MCC: variants seen among roughly 807,000 people sequenced by gnomAD.
MCC encodes colorectal mutant cancer protein.
A neutral mutation model predicts 116.2 loss-of-function variants in MCC; 90 were observed. The observed-to-expected ratio is 0.77, with a 90% CI of 0.65 to 0.92. MCC has a LOEUF of 0.92. Among genes scored for constraint, MCC ranks in the 40% least tolerant of loss-of-function variants. The pLI is 0.00. For synonymous variants in MCC, 578 were observed against 510.5 expected, an observed-to-expected ratio of 1.13 and a Z score of -1.78; for missense variants, 1,516 against 1,312.2, an observed-to-expected ratio of 1.16 and a Z score of -2.40.
chr5:113,039,868 G>A (rs1458518068), intron 17 of MCC, among the ~76,000 whole-genome samples: 2 of 152,230 alleles, frequency 1.3e-5, no homozygotes, highest in East Asian at 3.9e-4. Context: ...CAAAAAAGGA[G>A]TCATTTCTGA....
rs896893936 is a variant in MCC at position 113,439,592 on chromosome 5, C to T, written c.170+48653G>A. 2.6e-5 allele frequency among the ~76,000 whole-genome samples: 4 copies of T among 152,104 alleles called. No homozygotes were observed. The East Asian group carries it at 5.8e-4, about 22-fold the overall frequency. On this transcript the variant is annotated intron_variant, in intron 1 of 18. Coordinates refer to ENST00000408903, the MANE Select transcript of MCC (RefSeq NM_001085377.2). ...TAGGAAGCAAAATCCAATGGCCAGT[C>T]GTAAGTTTTCTGCTAGAGACTCATG...
rs112744876 is a variant in MCC at position 113,416,121 on chromosome 5, A to G, written c.171-30909T>C. ...CAGAGGCTCAGTTGGAAATGCAGAA[A>G]TCACCCGTCTTCTGCATTGATCACG... On this transcript the variant is annotated intron_variant, in intron 1 of 18. Transcript: ENST00000408903. 8.6e-3 allele frequency among the ~76,000 whole-genome samples: 1,307 copies of G among 152,260 alleles called. 10 individuals carry two copies. The highest frequency in any genetic ancestry group is 0.014 in the Non-Finnish European group (946 of 68,014).
At chr5:113,265,541 T>G (rs1220906905) in intron 3 of MCC, among the ~76,000 whole-genome samples, 1 of 152,168 alleles carries the variant, frequency 6.6e-6, no homozygotes, top group African/African-American at 2.4e-5. Flanking sequence ...TTTTTACCAC[T>G]ATATTAGGGT....
chr5:113,333,810 T>TACATATATGTATATATGTACATATGTAC (rs778710246), intron 3 of MCC, among the ~76,000 whole-genome samples: 11 of 69,774 alleles, frequency 1.6e-4, no homozygotes, highest in African/African-American at 4.8e-4. Context: ...TGTATATATG[T>TACATATATGTATATATGTACATATGTAC]ATATATGTAC....
At chr5:113,405,619 G>GC (rs1420336246) in intron 1 of MCC, among the ~76,000 whole-genome samples, 5 of 151,348 alleles carry the variant, frequency 3.3e-5, no homozygotes, top group Non-Finnish European at 7.4e-5. Context: ...GGAGACATCC[G>GC]CCCCCCAACC....
intron 8 of MCC, among the ~76,000 whole-genome samples, chr5:113,100,464 C>CCTT (rs747086067): frequency 3.8e-4 from 30 of 78,810 alleles, no homozygotes; most frequent in Non-Finnish European, 9.1e-5. Flanking sequence ...GTATTTTTCC[C>CCTT]TTTTTTTTTT....
chr5:113,134,113 C>A (rs1347973229), intron 5 of MCC, among the ~76,000 whole-genome samples: 3 of 152,144 alleles, frequency 2.0e-5, no homozygotes, highest in Non-Finnish European at 4.4e-5. Context: ...GCTATCATTG[C>A]CTATGCTTTT....
intron 1 of MCC, among the ~76,000 whole-genome samples, chr5:113,477,964 T>C (rs542375252): frequency 4.2e-4 from 64 of 152,058 alleles, no homozygotes; most frequent in African/African-American, 1.2e-3. Context: ...AACCCAGAAA[T>C]GACAGAGATG....
chr5:113,366,120 CTCT>C (rs10587023), intron 2 of MCC, among the ~76,000 whole-genome samples: 25,859 of 152,072 alleles, frequency 0.17, 2,853 homozygotes, highest in African/African-American at 0.3. Context: ...CACGAATTCT[CTCT>C]TCATTTCTAA....
intron 2 of MCC, among the ~76,000 whole-genome samples, chr5:113,373,735 A>C (rs539348791): frequency 6.6e-6 from 1 of 152,344 alleles, no homozygotes; most frequent in African/African-American, 2.4e-5. Flanking sequence ...GCTGTGAAAT[A>C]TATAAAGGAT....
intron 3 of MCC, among the ~76,000 whole-genome samples, chr5:113,203,917 T>C (rs1002769415): frequency 1.3e-4 from 20 of 152,184 alleles, no homozygotes; most frequent in African/African-American, 4.8e-4. Context: ...GATTGGTCCT[T>C]AACTTTGCCC....
intron 5 of MCC, among the ~76,000 whole-genome samples, chr5:113,129,422 A>T (rs150414016): frequency 7.9e-5 from 12 of 152,352 alleles, no homozygotes; most frequent in Middle Eastern, 3.4e-3. Context: ...TCAGGCTGCC[A>T]TGAAAAGATA....
chr5:113,471,336 C>T (rs1002688122), intron 1 of MCC, among the ~76,000 whole-genome samples: 5 of 152,070 alleles, frequency 3.3e-5, no homozygotes, highest in East Asian at 3.9e-4. Context: ...ATGATGGTGA[C>T]GTACAGATGG....
At chr5:113,172,833 T>C (rs1177773333) in intron 3 of MCC, among the ~76,000 whole-genome samples, 3 of 152,226 alleles carry the variant, frequency 2.0e-5, no homozygotes, top group African/African-American at 7.2e-5. Flanking sequence ...CTCCCAGCTG[T>C]ATCTATTTCA....
chr5:113,369,214 T>C (rs1344400051), intron 2 of MCC, among the ~76,000 whole-genome samples: 2 of 152,094 alleles, frequency 1.3e-5, no homozygotes, highest in African/African-American at 2.4e-5. Flanking sequence ...CCCCAGAGGT[T>C]GGGGGCTGGG....
intron 3 of MCC, among the ~76,000 whole-genome samples, chr5:113,154,330 T>C (rs1760050345): frequency 6.6e-6 from 1 of 152,250 alleles, no homozygotes; most frequent in South Asian, 2.1e-4. Flanking sequence ...TGTCTCTTAC[T>C]GTTACTGACA....
rs551888123 is a variant in MCC at position 113,248,086 on chromosome 5, G to A, written c.627+92433C>T. Among the ~76,000 whole-genome samples, 24 of 152,180 alleles carry A rather than the reference G, an allele frequency of 1.6e-4. No homozygotes were observed. The East Asian group carries it at 4.2e-3, about 27-fold the overall frequency. ...GGGCAGAGAAGGAAAAGCCTCAAAA[G>A]GAAGCTAAGAATAAAGAAAGCATAT... On this transcript the variant is annotated intron_variant, in intron 3 of 18. Coordinates refer to ENST00000408903, the MANE Select transcript of MCC (RefSeq NM_001085377.2).
intron 3 of MCC, among the ~76,000 whole-genome samples, chr5:113,194,953 T>A (rs1193396188): frequency 6.6e-6 from 1 of 152,172 alleles, no homozygotes; most frequent in African/African-American, 2.4e-5. Flanking sequence ...AGTGACAACA[T>A]CACAGCCAGG....
chr5:113,237,281 T>C (rs1764168638), intron 3 of MCC, among the ~76,000 whole-genome samples: 1 of 152,232 alleles, frequency 6.6e-6, no homozygotes, highest in African/African-American at 2.4e-5. Flanking sequence ...TTCTACTTTT[T>C]AATGACTACA....
Sources: allele counts gnomAD v4.1 joint callset (sites outside exome capture counted in the v4.1 genomes callset), GRCh38; gene constraint gnomAD v4.1.1; transcripts MANE v1.5; gene names NCBI Gene and HGNC (gene_info 2026-07-23, HGNC 2026-07-21).